ETNK1: variants seen among roughly 807,000 people sequenced by gnomAD.
ETNK1 encodes ethanolamine kinase 1.
ETNK1 carries 8 observed loss-of-function variants against 45.1 expected under a neutral mutation model. That is an observed-to-expected ratio of 0.18 (90% confidence interval 0.10 to 0.32). The LOEUF (loss-of-function observed/expected upper bound fraction) is 0.32. ETNK1 is among the 10% of genes least tolerant of loss of function. The pLI, the probability that ETNK1 is intolerant of heterozygous loss-of-function variation, is 1.00. For synonymous variants in ETNK1, 152 were observed against 151.9 expected (o/e 1.00, Z -0.01); for missense variants, 302 against 430.6 (o/e 0.70, Z 2.64).
At chr12:22,675,052 GATTTT>G (rs1352878792) in intron 6 of ETNK1, among the ~76,000 whole-genome samples, 20 of 152,096 alleles carry the variant, frequency 1.3e-4, no homozygotes, top group East Asian at 1.2e-3. Flanking sequence ...TTTTGAAATT[GATTTT>G]ATTTTAATAT....
At chr12:22,676,264 G>T (rs536398418) in intron 6 of ETNK1, among the ~76,000 whole-genome samples, 2 of 152,080 alleles carry the variant, frequency 1.3e-5, no homozygotes, top group Non-Finnish European at 2.9e-5. Context: ...GTGGTGTTTG[G>T]TTTTCTGTCC....
At chr12:22,655,860 A>G (rs981717810) in intron 2 of ETNK1, among the ~76,000 whole-genome samples, 4 of 152,214 alleles carry the variant, frequency 2.6e-5, no homozygotes, top group African/African-American at 4.8e-5. Context: ...GTTTAAGTTC[A>G]TAATGCAAAT....
intron 6 of ETNK1, among the ~76,000 whole-genome samples, chr12:22,678,350 C>T (rs1224577576): frequency 1.3e-5 from 2 of 152,086 alleles, no homozygotes; most frequent in Non-Finnish European, 2.9e-5. Flanking sequence ...TTGCCAAGTC[C>T]AATGTAAATT....
At chr12:22,638,085 A>G (rs1208744058) in intron 1 of ETNK1, among the ~76,000 whole-genome samples, 4 of 152,146 alleles carry the variant, frequency 2.6e-5, no homozygotes, top group African/African-American at 9.7e-5. Flanking sequence ...TGGAAGTGGA[A>G]ATAATTGAAT....
At chr12:22,651,810 C>G (rs912201660) in intron 2 of ETNK1, among the ~76,000 whole-genome samples, 2 of 151,236 alleles carry the variant, frequency 1.3e-5, no homozygotes, top group Admixed American at 6.6e-5. Context: ...ATCAGCCTCT[C>G]GAGTAGCTGG....
chr12:22,678,508 C>A (rs1954182147), intron 6 of ETNK1, among the ~76,000 whole-genome samples: 2 of 152,180 alleles, frequency 1.3e-5, no homozygotes, highest in South Asian at 4.1e-4. Context: ...GAATTACACA[C>A]TTTATTGCCA....
intron 2 of ETNK1, among the ~76,000 whole-genome samples, chr12:22,646,038 A>G (rs911507103): frequency 6.6e-6 from 1 of 151,894 alleles, no homozygotes; most frequent in Non-Finnish European, 1.5e-5. Flanking sequence ...GAGGAGAAGC[A>G]GAGTGGAGGC....
chr12:22,650,293 A>G (rs1033208277), intron 2 of ETNK1, among the ~76,000 whole-genome samples: 2 of 147,984 alleles, frequency 1.4e-5, no homozygotes, highest in Non-Finnish European at 3.0e-5. Context: ...TTAATGTGTT[A>G]GCTAGGACTT....
Position 22,673,633 on chromosome 12 carries a change from C to T in ETNK1, c.918C>T (p.Leu306=). ...TEVTEKEVEI[L]FIQVNQFALA... ...TTACTGAAAAGGAGGTAGAAATACTCTTCATTCAAGTCAATCAGTTTGCAT... is the reference window on the plus strand; with the variant it reads ...TTACTGAAAAGGAGGTAGAAATACTTTTCATTCAAGTCAATCAGTTTGCAT... Residue 306 remains leucine (L), a synonymous_variant, in exon 6 of 8, where the codon CTC becomes CTT. Transcript: ENST00000266517. The T allele has an allele frequency of 1.2e-6, 2 of 1,613,536 alleles. No homozygotes were observed. Among genetic ancestry groups the T allele is most frequent in the Non-Finnish European group, 1.7e-6 (2 of 1,179,712 alleles).
chr12:22,643,759 G>A lies in ETNK1; in HGVS notation c.157-4G>A, dbSNP rs776094502. The A allele has an allele frequency of 1.1e-5, 17 of 1,561,116 alleles. No homozygotes were observed. Among genetic ancestry groups the A allele is most frequent in the Non-Finnish European group, 1.4e-5 (16 of 1,151,522 alleles). ...TTCCCATTTTTAAAAAAAATTTTTG[G>A]CAGCTCTTCACAGATGGAATCACAA... On this transcript the variant is annotated splice_region_variant and splice_polypyrimidine_tract_variant and intron_variant, in intron 1 of 7. Coordinates refer to ENST00000266517, the MANE Select transcript of ETNK1 (RefSeq NM_018638.5).
At chr12:22,662,637 A>G (rs893139193) in intron 4 of ETNK1, among the ~76,000 whole-genome samples, 1 of 151,630 alleles carries the variant, frequency 6.6e-6, no homozygotes, top group African/African-American at 2.4e-5. Context: ...GCCTCAAGTG[A>G]TCCTCCTGCC....
chr12:22,683,256 C>T (rs1358214536), intron 6 of ETNK1, among the ~76,000 whole-genome samples: 1 of 151,390 alleles, frequency 6.6e-6, no homozygotes, highest in Non-Finnish European at 1.5e-5. Flanking sequence ...AATTATATTC[C>T]TGTTCTTTTT....
chr12:22,629,593 G>A (rs1316111032), intron 1 of ETNK1, among the ~76,000 whole-genome samples: 1 of 152,042 alleles, frequency 6.6e-6, no homozygotes, highest in African/African-American at 2.4e-5. Flanking sequence ...CTATACAATT[G>A]CTGTGTTAAG....
intron 1 of ETNK1, among the ~76,000 whole-genome samples, chr12:22,629,055 GA>G (rs1057363869): frequency 1.3e-5 from 2 of 152,034 alleles, no homozygotes; most frequent in African/African-American, 4.8e-5. Context: ...CTGTAAAATT[GA>G]TCCAGTAGTT....
At chr12:22,648,417 C>A (rs1196816366) in intron 2 of ETNK1, among the ~76,000 whole-genome samples, 1 of 151,984 alleles carries the variant, frequency 6.6e-6, no homozygotes, top group African/African-American at 2.4e-5. Flanking sequence ...GATCTTTTTA[C>A]TGCTTCCACA....
intron 4 of ETNK1, among the ~76,000 whole-genome samples, chr12:22,666,690 A>G (rs925289029): frequency 6.6e-6 from 1 of 152,168 alleles, no homozygotes; most frequent in Non-Finnish European, 1.5e-5. Flanking sequence ...AGCACAATAC[A>G]AGAAGCTGAT....
At chr12:22,643,224 A>G (rs771108507) in intron 1 of ETNK1, among the ~76,000 whole-genome samples, 3 of 152,078 alleles carry the variant, frequency 2.0e-5, no homozygotes, top group Non-Finnish European at 4.4e-5. Flanking sequence ...GAGATTTGCC[A>G]TAATGTAAAT....
intron 7 of ETNK1, 102 bp downstream of exon 7, chr12:22,684,658 A>G: frequency 1.1e-6 from 1 of 882,762 alleles, no homozygotes; most frequent in Non-Finnish European, 1.8e-6. Context: ...ATCAATTATA[A>G]AAGTTGTATA....
chr12:22,682,196 G>A, intron 6 of ETNK1: 1 of 301,550 alleles, frequency 3.3e-6, no homozygotes, highest in Non-Finnish European at 6.7e-6. Context: ...CACCACCAGT[G>A]TCATCAGAAA....
Sources: gnomAD v4.1 joint callset for allele counts (sites outside exome capture counted in the v4.1 genomes callset) on GRCh38, gnomAD v4.1.1 for gene constraint, MANE v1.5 for transcripts, NCBI Gene and HGNC (gene_info 2026-07-23, HGNC 2026-07-21) for gene names.